Variants in LRRC4C observed in about 807,000 individuals in gnomAD.
The protein encoded by LRRC4C is leucine-rich repeat-containing protein 4C.
LRRC4C carries 5 observed loss-of-function variants against 33.6 expected under a neutral mutation model. The observed-to-expected ratio is 0.15, with a 90% confidence interval of 0.08 to 0.31. The LOEUF is 0.31. Ranked by LOEUF, LRRC4C falls within the 10% of genes least tolerant of loss-of-function variation. The pLI is 1.00. For synonymous variants in LRRC4C, 329 were observed against 302.0 expected (o/e 1.09, Z -0.93); for missense variants, 560 against 796.7 (o/e 0.70, Z 3.58).
At chr11:40,601,885 T>C (rs1192036083) in intron 3 of LRRC4C, among the ~76,000 whole-genome samples, 1 of 152,056 alleles carries the variant, frequency 6.6e-6, no homozygotes, top group Non-Finnish European at 1.5e-5. Flanking sequence ...CTCTTTCTCA[T>C]GTCAAAATAA....
At chr11:40,600,428 C>A (rs1171268086) in intron 3 of LRRC4C, among the ~76,000 whole-genome samples, 1 of 152,210 alleles carries the variant, frequency 6.6e-6, no homozygotes, top group African/African-American at 2.4e-5. Flanking sequence ...TCCAAGCCCA[C>A]ACTCAAAACT....
chr11:40,774,337 A>G (rs1334536530), intron 2 of LRRC4C, among the ~76,000 whole-genome samples: 1 of 152,166 alleles, frequency 6.6e-6, no homozygotes, highest in African/African-American at 2.4e-5. Context: ...AGAAAATTCC[A>G]AGAAAGTTCT....
intron 1 of LRRC4C, among the ~76,000 whole-genome samples, chr11:41,238,024 G>A (rs1044641792): frequency 4.0e-5 from 6 of 151,866 alleles, no homozygotes; most frequent in Non-Finnish European, 8.8e-5. Context: ...GCCACTCATA[G>A]CTTAGCTCAA....
intron 2 of LRRC4C, among the ~76,000 whole-genome samples, chr11:40,779,289 AG>A (rs1433972803): frequency 1.3e-5 from 2 of 152,252 alleles, no homozygotes; most frequent in African/African-American, 4.8e-5. Context: ...AAAAATGAAT[AG>A]AAGATAAACA....
intron 1 of LRRC4C, among the ~76,000 whole-genome samples, chr11:41,197,848 T>G (rs934265091): frequency 8.6e-5 from 13 of 151,934 alleles, no homozygotes; most frequent in African/African-American, 2.9e-4. Context: ...GGTAATAGAT[T>G]GCAAGCAAAT....
At chr11:40,331,677 T>C (rs1565281358) in intron 3 of LRRC4C, among the ~76,000 whole-genome samples, 1 of 152,156 alleles carries the variant, frequency 6.6e-6, no homozygotes, top group African/African-American at 2.4e-5. Context: ...GAAGTTTGAA[T>C]TCTCTCTCTC....
At position 41,362,625 on chromosome 11, in the gene LRRC4C, TG is replaced by T. The variant is rs1952395978; in HGVS notation, c.-496+96805del. 1.3e-5 allele frequency among the ~76,000 whole-genome samples: 2 copies of T among 152,230 alleles called. 1 individual carries two copies. The highest frequency in any genetic ancestry group is 6.8e-3 in the Middle Eastern group (2 of 294). On this transcript the variant is annotated intron_variant, in intron 1 of 6. Transcript: ENST00000528697. ...TACCTCTGTAACAAATTACCAAAAATGTGTCTTAAATTCAAAGTTCTTCTTT... is the reference window on the plus strand; with the variant it reads ...TACCTCTGTAACAAATTACCAAAAATTGTCTTAAATTCAAAGTTCTTCTTT...
At chr11:40,296,705 C>G (rs890080573) in intron 4 of LRRC4C, among the ~76,000 whole-genome samples, 1 of 152,068 alleles carries the variant, frequency 6.6e-6, no homozygotes, top group African/African-American at 2.4e-5. Context: ...AGTACACATG[C>G]AAACCAAATT....
chr11:40,162,555 A>G (rs948467233), intron 5 of LRRC4C, among the ~76,000 whole-genome samples: 1 of 152,122 alleles, frequency 6.6e-6, no homozygotes, highest in Admixed American at 6.5e-5. Context: ...TTTCACTTGT[A>G]TAGTACTCTC....
chr11:40,316,579 T>C (rs1945584117), intron 4 of LRRC4C, among the ~76,000 whole-genome samples: 1 of 151,808 alleles, frequency 6.6e-6, no homozygotes, highest in South Asian at 2.1e-4. Context: ...AAATGAAGAG[T>C]TATGATAGTT....
intron 1 of LRRC4C, among the ~76,000 whole-genome samples, chr11:41,014,990 T>C (rs1418201729): frequency 6.6e-6 from 1 of 152,180 alleles, no homozygotes; most frequent in Non-Finnish European, 1.5e-5. Context: ...TTACGAGCAA[T>C]TTATTTTAGT....
chr11:41,443,914 C>A (rs1033294473), intron 1 of LRRC4C, among the ~76,000 whole-genome samples: 1 of 151,780 alleles, frequency 6.6e-6, no homozygotes, highest in African/African-American at 2.4e-5. Flanking sequence ...CGAGCCACTG[C>A]GCCCAGCCGG....
intron 1 of LRRC4C, among the ~76,000 whole-genome samples, chr11:41,007,958 A>G (rs1235907072): frequency 2.6e-5 from 4 of 152,080 alleles, no homozygotes; most frequent in Non-Finnish European, 5.9e-5. Context: ...TCCAATCTCC[A>G]TCTTATTCTT....
intron 5 of LRRC4C, among the ~76,000 whole-genome samples, chr11:40,178,734 G>A (rs1432525270): frequency 6.6e-6 from 1 of 152,180 alleles, no homozygotes; most frequent in Non-Finnish European, 1.5e-5. Flanking sequence ...ATGTGGACAG[G>A]CAGGCCGTAT....
At chr11:41,004,883 A>G (rs1312980687) in intron 1 of LRRC4C, among the ~76,000 whole-genome samples, 1 of 152,200 alleles carries the variant, frequency 6.6e-6, no homozygotes, top group Non-Finnish European at 1.5e-5. Context: ...CATTTTAACC[A>G]TGCAATCCTA....
chr11:40,783,068 T>A (rs1950278107), intron 2 of LRRC4C, among the ~76,000 whole-genome samples: 1 of 152,146 alleles, frequency 6.6e-6, no homozygotes, highest in South Asian at 2.1e-4. Context: ...TATTATTGGT[T>A]CATAGTCATA....
intron 2 of LRRC4C, among the ~76,000 whole-genome samples, chr11:40,768,974 T>A (rs753355926): frequency 2.0e-5 from 3 of 152,064 alleles, no homozygotes; most frequent in South Asian, 2.1e-4. Flanking sequence ...GTACTATTAG[T>A]CCCAGCTAGT....
At chr11:41,069,203 T>G (rs1157405280) in intron 1 of LRRC4C, among the ~76,000 whole-genome samples, 5 of 152,148 alleles carry the variant, frequency 3.3e-5, no homozygotes, top group Non-Finnish European at 7.3e-5. Flanking sequence ...GAAAAGGCCT[T>G]CAATAAAATT....
intron 1 of LRRC4C, among the ~76,000 whole-genome samples, chr11:41,110,795 T>C (rs1000155174): frequency 1.3e-5 from 2 of 152,064 alleles, no homozygotes; most frequent in Non-Finnish European, 2.9e-5. Context: ...CAACTGGGTG[T>C]TTTTTTAAGG....
Sources: gnomAD v4.1 joint callset for allele counts (sites outside exome capture counted in the v4.1 genomes callset) on GRCh38, gnomAD v4.1.1 for gene constraint, MANE v1.5 for transcripts, NCBI Gene and HGNC (gene_info 2026-07-23, HGNC 2026-07-21) for gene names.